Variants in SUCO observed in about 807,000 individuals in gnomAD.
The protein encoded by SUCO is SUN domain-containing ossification factor.
Under a neutral mutation model 148.1 loss-of-function variants are expected in SUCO, and 57 were observed. The observed-to-expected ratio is 0.38, with a 90% CI of 0.31 to 0.48. The LOEUF (loss-of-function observed/expected upper bound fraction) is 0.48. SUCO is among the 20% of genes least tolerant of loss of function. The probability of loss-of-function intolerance (pLI) is 0.96; values close to 1 mark genes in which losing one functional copy is unlikely to be tolerated. For missense variants in SUCO, 1,331 were observed against 1,468.2 expected, an observed-to-expected ratio of 0.91 and a Z score of 1.53; for synonymous variants, 470 against 502.7, an observed-to-expected ratio of 0.93 and a Z score of 0.87.
chr1:172,600,240 A>G (rs1657412510), intron 20 of SUCO, 72 bp downstream of exon 20: 7 of 1,083,492 alleles, frequency 6.5e-6, no homozygotes, highest in East Asian at 5.5e-5. Flanking sequence ...GCTTGTTAAC[A>G]TGAACATGGT....
rs772233547 is a variant in SUCO at position 172,610,427 on chromosome 1, T to A, written c.*168T>A. 84 of 1,060,614 alleles carry A rather than the reference T, an allele frequency of 7.9e-5. No homozygotes were observed. The highest frequency in any genetic ancestry group is 1.1e-4 in the Non-Finnish European group (84 of 779,562). The allele number at this position is 1,060,614 out of a possible 1,614,324, so 65.7% of individuals were successfully genotyped here. A position where few individuals can be genotyped will look rare whatever the true frequency, so the allele number is the denominator to read the frequency against. ...TAGATGGGATTGTGTCAATCTTGGT[T>A]AATGAGCTACAGTTTTACAAAGCTG... On this transcript the variant is annotated 3_prime_UTR_variant, in exon 24 of 24. Transcript: ENST00000263688.
chr1:172,577,251 A>G (rs1655513927), intron 11 of SUCO: 1 of 169,682 alleles, frequency 5.9e-6, no homozygotes, highest in South Asian at 1.9e-4. Flanking sequence ...TTTCTATCTA[A>G]CAGCTATATA....
chr1:172,577,380 T>C (rs1655525167), intron 11 of SUCO, among the ~76,000 whole-genome samples, 159 bp from the exon 12 acceptor site: 1 of 151,776 alleles, frequency 6.6e-6, no homozygotes, highest in Non-Finnish European at 1.5e-5. Flanking sequence ...TCATTGCTTT[T>C]ATTTCTGCAA....
At chr1:172,549,954 A>G (rs990087628) in intron 1 of SUCO, among the ~76,000 whole-genome samples, 2 of 151,922 alleles carry the variant, frequency 1.3e-5, no homozygotes, top group African/African-American at 4.8e-5. Context: ...GAAAAGATTA[A>G]ATCCCCAAAG....
chr1:172,598,179 T>G (rs187075732), intron 19 of SUCO, among the ~76,000 whole-genome samples: 232 of 152,296 alleles, frequency 1.5e-3, no homozygotes, highest in African/African-American at 5.4e-3. Flanking sequence ...GACATCCATT[T>G]GTTCTAGAAT....
intron 16 of SUCO, 56 bp downstream of exon 16, chr1:172,585,142 T>A (rs1419669340): frequency 8.3e-6 from 11 of 1,330,326 alleles, no homozygotes; most frequent in Non-Finnish European, 1.1e-5. Context: ...GATCCTTATA[T>A]TTAGGAAAAT....
At chr1:172,574,090 C>A in intron 10 of SUCO, 92 bp downstream of exon 10, 1 of 698,836 alleles carries the variant, frequency 1.4e-6, no homozygotes. Context: ...ATTTTGACTT[C>A]AGTCCATTTA....
At position 172,591,067 on chromosome 1, in the gene SUCO, A is replaced by G. The variant is rs1656619485; in HGVS notation, c.2909A>G (p.Glu970Gly). 1 of 1,609,290 alleles carries G rather than the reference A, an allele frequency of 6.2e-7. No individual in the cohort carries two copies. Among genetic ancestry groups the G allele is most frequent in the Non-Finnish European group, 8.5e-7 (1 of 1,177,918 alleles). The change falls in exon 19 of 24, where the codon GAG becomes GGG. Residue 970 changes from glutamate (E) to glycine (G), a missense_variant. This residue lies in a region of SUCO where 334 missense variants were observed against 352.3 expected (regional missense o/e 0.95). Transcript: ENST00000263688. ...KLQNTSRIAEEQDQRQTEAIQ... is the reference protein window; with the variant it reads ...KLQNTSRIAEGQDQRQTEAIQ... ...CAGAATACTTCAAGAATAGCAGAGG[A>G]GCAGGTTGGTTTCTACATCCCTTAT...
chr1:172,569,006 G>C lies in SUCO; in HGVS notation c.733-13G>C. Reference sequence around the variant, plus strand: ...AAAGTTGAAGTCTTCTTACTTTTTGGTGTTTCTTTCAGAGCTCTGATTATA... The same window carrying C: ...AAAGTTGAAGTCTTCTTACTTTTTGCTGTTTCTTTCAGAGCTCTGATTATA... On this transcript the variant is annotated splice_polypyrimidine_tract_variant and intron_variant, in intron 6 of 23. Coordinates refer to ENST00000263688, the MANE Select transcript of SUCO (RefSeq NM_014283.5). 1 of 1,546,586 alleles carries C rather than the reference G, an allele frequency of 6.5e-7. No individual in the cohort carries two copies. Among genetic ancestry groups the C allele is most frequent in the Admixed American group, 2.3e-5 (1 of 42,856 alleles).
At chr1:172,568,922 G>T in intron 6 of SUCO, 97 bp from the exon 7 acceptor site, 2 of 1,151,306 alleles carry the variant, frequency 1.7e-6, no homozygotes, top group Non-Finnish European at 1.2e-6. Context: ...ATTATAAATT[G>T]GAACTTTAAT....
chr1:172,583,049 G>C (rs1277885025), intron 15 of SUCO, among the ~76,000 whole-genome samples: 1 of 152,092 alleles, frequency 6.6e-6, no homozygotes, highest in Non-Finnish European at 1.5e-5. Context: ...ACTGTTGATT[G>C]CACAATTTGG....
intron 4 of SUCO, chr1:172,556,963 A>T: frequency 1.0e-6 from 1 of 982,334 alleles, no homozygotes; most frequent in Non-Finnish European, 1.2e-6. Flanking sequence ...CTTTTGAAGG[A>T]TGCCATAAGT....
At chr1:172,566,043 CTT>C (rs901933948) in intron 6 of SUCO, among the ~76,000 whole-genome samples, 1 of 152,188 alleles carries the variant, frequency 6.6e-6, no homozygotes, top group Non-Finnish European at 1.5e-5. Flanking sequence ...GTGGGAGGGG[CTT>C]GCACAGGGGC....
chr1:172,546,832 C>T (rs1001493419), intron 1 of SUCO, among the ~76,000 whole-genome samples: 2 of 152,166 alleles, frequency 1.3e-5, no homozygotes, highest in South Asian at 4.1e-4. Context: ...TCACTTGAGC[C>T]CGGGAAGGGG....
Position 172,575,567 on chromosome 1 carries a change from G to A in SUCO, c.1207G>A (p.Glu403Lys), listed in dbSNP as rs1233920409. 2 of 1,612,304 alleles carry A rather than the reference G, an allele frequency of 1.2e-6. No homozygotes were observed. Among genetic ancestry groups the A allele is most frequent in the Non-Finnish European group, 1.7e-6 (2 of 1,178,838 alleles). Reference protein sequence around the residue: ...IKLGTFHGRDERNVQSFPLDE... With the variant: ...IKLGTFHGRDKRNVQSFPLDE... Reference sequence around the variant, plus strand: ...GCTGGGTACTTTTCATGGTAGAGATGAGCGGAATGTACAGAGTTTCCCTTT... The same window carrying A: ...GCTGGGTACTTTTCATGGTAGAGATAAGCGGAATGTACAGAGTTTCCCTTT... Residue 403 changes from glutamate (E) to lysine (K), a missense_variant, in exon 11 of 24, where the codon GAG becomes AAG. Physicochemically the swap from Glu to Lys is moderately conservative, Grantham distance 56 (BLOSUM62 1). Coordinates refer to ENST00000263688, the MANE Select transcript of SUCO (RefSeq NM_014283.5).
chr1:172,610,166 G>C lies in SUCO; in HGVS notation c.3672G>C (p.Ser1224=). The part of the protein sequence containing the change: ...KLIKTLIQTK[S]GSLPSLHDII... ...TAAAAACTCTAATACAGACTAAGTC[G>C]GGATCATTGCCGAGCCTGCATGACA... is the stretch of plus-strand genomic sequence containing the variant. The change falls in exon 24 of 24, where the codon TCG becomes TCC. Residue 1224 remains serine (S), a synonymous_variant. Transcript: ENST00000263688. The C allele has an allele frequency of 6.2e-7, 1 of 1,613,534 alleles. No homozygotes were observed. Among genetic ancestry groups the C allele is most frequent in the South Asian group, 1.1e-5 (1 of 91,050 alleles).
At chr1:172,572,553 C>A (rs1206683690) in intron 9 of SUCO, among the ~76,000 whole-genome samples, 2 of 151,936 alleles carry the variant, frequency 1.3e-5, no homozygotes, top group East Asian at 1.9e-4. Flanking sequence ...CCCAGGGACA[C>A]AAACACTGCG....
At chr1:172,585,274 G>A in intron 16 of SUCO, 188 bp downstream of exon 16, 3 of 357,602 alleles carry the variant, frequency 8.4e-6, no homozygotes, top group Non-Finnish European at 1.2e-5. Context: ...TTTTATAAAA[G>A]AATACTGTCT....
chr1:172,553,185 A>G (rs1653436593), intron 2 of SUCO, 75 bp from the exon 3 acceptor site: 1 of 1,392,122 alleles, frequency 7.2e-7, no homozygotes, highest in Admixed American at 2.7e-5. Flanking sequence ...ATGGAAAAAA[A>G]CCATCTTCGT....
Sources: allele counts gnomAD v4.1 joint callset (sites outside exome capture counted in the v4.1 genomes callset), GRCh38; gene constraint gnomAD v4.1.1; regional missense constraint gnomAD v4.1.1; transcripts MANE v1.5; gene names NCBI Gene and HGNC (gene_info 2026-07-23, HGNC 2026-07-21).